Variants in PAMR1 observed in about 807,000 individuals in gnomAD.
PAMR1 encodes the protein inactive serine protease PAMR1.
In PAMR1, 88 loss-of-function variants were observed where a neutral mutation model predicts 81.8. The observed-to-expected ratio is 1.08, with a 90% CI of 0.91 to 1.28. The LOEUF is 1.28. Among genes scored for constraint, PAMR1 ranks in the 50% most tolerant of loss-of-function variants. The pLI, the probability that PAMR1 is intolerant of heterozygous loss-of-function variation, is 0.00. For synonymous variants in PAMR1, 336 were observed against 345.3 expected, an observed-to-expected ratio of 0.97 and a Z score of 0.30; for missense variants, 935 against 919.7, an observed-to-expected ratio of 1.02 and a Z score of -0.21.
intron 6 of PAMR1, among the ~76,000 whole-genome samples, chr11:35,447,314 T>C (rs565883407): frequency 6.6e-6 from 1 of 151,534 alleles, no homozygotes; most frequent in African/African-American, 2.4e-5. Context: ...GCCATTCTCC[T>C]GTCTCAGCCT....
intron 1 of PAMR1, among the ~76,000 whole-genome samples, chr11:35,517,108 C>A (rs1474926382): frequency 1.3e-5 from 2 of 152,164 alleles, no homozygotes; most frequent in Non-Finnish European, 2.9e-5. Context: ...CTCACTCCCC[C>A]AGACTGCCAC....
Position 35,470,756 on chromosome 11 carries a change from T to C in PAMR1, c.557A>G (p.Asp186Gly). The change falls in exon 5 of 11, where the codon GAT becomes GGT. Residue 186 changes from aspartate (D) to glycine (G), a missense_variant. Asp to Gly is a moderately conservative substitution (Grantham distance 94, BLOSUM62 -1). Coordinates refer to ENST00000619888, the MANE Select transcript of PAMR1 (RefSeq NM_001001991.3). ...GATCTGGCCATCGCGGTTGTCTCCA[T>C]CACGAACCTCAACATAGTCATACTG... ...MCQYDYVEVR[D>G]GDNRDGQIIK... The C allele has an allele frequency of 1.9e-6, 3 of 1,614,130 alleles. No homozygotes were observed. The highest frequency in any genetic ancestry group is 2.2e-5 in the East Asian group (1 of 44,876).
intron 6 of PAMR1, among the ~76,000 whole-genome samples, chr11:35,463,551 T>C (rs1188759186): frequency 6.6e-6 from 1 of 152,198 alleles, no homozygotes; most frequent in Non-Finnish European, 1.5e-5. Context: ...GTTGTTGTGT[T>C]CCATACAAAG....
rs1855988326 is a variant in PAMR1 at position 35,434,538 on chromosome 11, C to A, written c.1600G>T (p.Asp534Tyr). Reference protein sequence around the residue: ...LGKFYRDDDRDEKTIQSLQIS... With the variant: ...LGKFYRDDDRYEKTIQSLQIS... ...TGTAGGCTCTGGATGGTCTTCTCATCCCGGTCATCATCCCGGTAGAATTTC... is the reference window on the plus strand; with the variant it reads ...TGTAGGCTCTGGATGGTCTTCTCATACCGGTCATCATCCCGGTAGAATTTC... The change falls in exon 10 of 11, where the codon GAT (aspartate) becomes TAT (tyrosine). Residue 534 changes from aspartate to tyrosine, a missense_variant. Transcript: ENST00000619888. 6.2e-7 allele frequency: 1 copy of A among 1,613,806 alleles called. No individual in the cohort carries two copies. Among genetic ancestry groups the A allele is most frequent in the African/African-American group, 1.3e-5 (1 of 74,842 alleles).
chr11:35,516,394 A>G (rs1851163555), intron 1 of PAMR1, among the ~76,000 whole-genome samples: 1 of 152,236 alleles, frequency 6.6e-6, no homozygotes, highest in Non-Finnish European at 1.5e-5. Context: ...TGTATCAAAG[A>G]TGAATTCGGT....
chr11:35,465,252 G>A (rs1409075443), intron 6 of PAMR1, among the ~76,000 whole-genome samples: 1 of 151,996 alleles, frequency 6.6e-6, no homozygotes, highest in East Asian at 1.9e-4. Context: ...ATCAGATTTG[G>A]CACTGCATAA....
At position 35,503,264 on chromosome 11, in the gene PAMR1, T is replaced by G. The variant is rs138352812; in HGVS notation, c.74-8992A>C. ...AGCTTTGTAGTGTACTTTGAAGTCA[T>G]GTAGTGTGATGTCTCCAGCTTTTTT... On this transcript the variant is annotated intron_variant, in intron 1 of 10. Transcript: ENST00000619888. 1.6e-3 allele frequency among the ~76,000 whole-genome samples: 230 copies of G among 148,350 alleles called. 1 individual carries two copies. The highest frequency in any genetic ancestry group is 0.011 in the East Asian group (54 of 4,924).
rs1278725272 is a variant in PAMR1, at chr11:35,521,914, G to GT, written c.73+3598_73+3599insA. Among the ~76,000 whole-genome samples, 445 of 147,108 alleles carry GT rather than the reference G, an allele frequency of 3.0e-3. 9 individuals are homozygous for GT. The East Asian group carries it at 0.04, about 13-fold the overall frequency. On this transcript the variant is annotated intron_variant, in intron 1 of 10. Transcript: ENST00000619888. ...TTACCTTTCAAATCGTTTTTTGTTT[G>GT]GTTTTTTTTTGTTTTGTTTTGTTTT...
At chr11:35,508,440 T>C (rs1298129255) in intron 1 of PAMR1, among the ~76,000 whole-genome samples, 1 of 152,052 alleles carries the variant, frequency 6.6e-6, no homozygotes, top group Non-Finnish European at 1.5e-5. Context: ...CAGTGCTATA[T>C]ATTTACTTTT....
intron 5 of PAMR1, among the ~76,000 whole-genome samples, chr11:35,468,596 T>A (rs930696096): frequency 6.6e-6 from 1 of 152,236 alleles, no homozygotes; most frequent in Non-Finnish European, 1.5e-5. Context: ...CATTAGTCCC[T>A]TGAGATGTTG....
chr11:35,451,402 T>A (rs56168073), intron 6 of PAMR1, among the ~76,000 whole-genome samples: 16,893 of 152,214 alleles, frequency 0.11, 1,080 homozygotes, highest in South Asian at 0.15. Flanking sequence ...ATAGCTATAT[T>A]TCCATAATGC....
In PAMR1 at chr11:35,432,677, G is replaced by A. The variant is rs201062106; in HGVS notation, c.1842C>T (p.Asn614=). 3.7e-5 allele frequency: 59 copies of A among 1,613,386 alleles called. 1 individual carries two copies. The highest frequency in any genetic ancestry group is 1.7e-4 in the Middle Eastern group (1 of 6,056). The change falls in exon 11 of 11, where the codon AAC becomes AAT. Residue 614 remains asparagine (N), a synonymous_variant. Transcript: ENST00000619888. ...TGACCACCCCAGAGCGCAGTGTGTCGTTCTTGAAGCCAGGGCTCCTCACGT... is the reference window on the plus strand; with the variant it reads ...TGACCACCCCAGAGCGCAGTGTGTCATTCTTGAAGCCAGGGCTCCTCACGT... ...LADVRSPGFK[N]DTLRSGVVSV... is the part of the protein sequence containing the mutation.
intron 3 of PAMR1, among the ~76,000 whole-genome samples, chr11:35,483,360 T>C (rs1047961212): frequency 2.6e-5 from 4 of 152,202 alleles, no homozygotes; most frequent in African/African-American, 9.7e-5. Flanking sequence ...CTTATAAAGC[T>C]GCAAGGTGAC....
chr11:35,503,360 G>GT (rs1850890933), intron 1 of PAMR1, among the ~76,000 whole-genome samples: 2 of 150,202 alleles, frequency 1.3e-5, no homozygotes, highest in Admixed American at 1.3e-4. Context: ...CTCTAGGATT[G>GT]TTTTTTCTAT....
At chr11:35,507,240 T>C (rs937355715) in intron 1 of PAMR1, among the ~76,000 whole-genome samples, 2 of 151,756 alleles carry the variant, frequency 1.3e-5, no homozygotes, top group Admixed American at 1.3e-4. Flanking sequence ...AGAGATGGGG[T>C]TTCTCCATGT....
chr11:35,501,068 A>G (rs1409809852), intron 1 of PAMR1, among the ~76,000 whole-genome samples: 1 of 151,334 alleles, frequency 6.6e-6, no homozygotes, highest in African/African-American at 2.4e-5. Flanking sequence ...TATCAAAAAT[A>G]TTTGCTTCAG....
At chr11:35,444,097 C>T (rs1364305778) in intron 6 of PAMR1, among the ~76,000 whole-genome samples, 1 of 152,204 alleles carries the variant, frequency 6.6e-6, no homozygotes, top group East Asian at 1.9e-4. Flanking sequence ...TCAAATTATA[C>T]TATGAGGTTA....
intron 3 of PAMR1, among the ~76,000 whole-genome samples, chr11:35,483,666 C>A (rs1450784236): frequency 6.6e-6 from 1 of 152,040 alleles, no homozygotes; most frequent in African/African-American, 2.4e-5. Flanking sequence ...AGTTTAAATT[C>A]TTTTAGATTT....
At chr11:35,509,899 T>A (rs1033836894) in intron 1 of PAMR1, among the ~76,000 whole-genome samples, 31 of 152,226 alleles carry the variant, frequency 2.0e-4, no homozygotes, top group African/African-American at 7.5e-4. Context: ...CAAAGCCTTA[T>A]GAAAGCTGCA....
Sources: gnomAD v4.1 joint callset for allele counts (sites outside exome capture counted in the v4.1 genomes callset) on GRCh38, gnomAD v4.1.1 for gene constraint, MANE v1.5 for transcripts, NCBI Gene and HGNC (gene_info 2026-07-23, HGNC 2026-07-21) for gene names.